Variants in ADAMTS2 observed in about 807,000 individuals in gnomAD.
ADAMTS2 encodes A disintegrin and metalloproteinase with thrombospondin motifs 2.
Under a neutral mutation model 123.0 loss-of-function variants are expected in ADAMTS2, and 50 were observed. The ratio of observed to expected loss-of-function variants is 0.41; its 90% confidence interval spans 0.32 to 0.51. ADAMTS2 has a LOEUF of 0.51. Ranked by LOEUF, ADAMTS2 falls within the 20% of genes least tolerant of loss-of-function variation. The pLI is 0.35. For synonymous variants in ADAMTS2, 678 were observed against 695.4 expected, an observed-to-expected ratio of 0.98 and a Z score of 0.39; for missense variants, 1,494 against 1,705.2, an observed-to-expected ratio of 0.88 and a Z score of 2.18.
intron 3 of ADAMTS2, among the ~76,000 whole-genome samples, chr5:179,255,797 CTTG>C (rs1441026541): frequency 6.6e-6 from 1 of 152,200 alleles, no homozygotes; most frequent in African/African-American, 2.4e-5. Context: ...GGGGCCACTT[CTTG>C]CTCCTTCCTG....
At chr5:179,289,115 C>T (rs1756111761) in intron 2 of ADAMTS2, among the ~76,000 whole-genome samples, 1 of 152,172 alleles carries the variant, frequency 6.6e-6, no homozygotes, top group Non-Finnish European at 1.5e-5. Context: ...GACTGCGCCC[C>T]TCCTGCAGGG....
At chr5:179,140,119 G>A in intron 10 of ADAMTS2, 84 bp from the exon 11 acceptor site, 1 of 1,597,198 alleles carries the variant, frequency 6.3e-7, no homozygotes, top group East Asian at 2.2e-5. Context: ...TGCAGTGTCT[G>A]GGACACGTCC....
chr5:179,262,759 C>A lies in ADAMTS2; in HGVS notation c.688+10152G>T, dbSNP rs149401436. Among the ~76,000 whole-genome samples, 1 of 152,266 alleles carries A rather than the reference C, an allele frequency of 6.6e-6. No individual in the cohort carries two copies. Among genetic ancestry groups the A allele is most frequent in the Non-Finnish European group, 1.5e-5 (1 of 68,050 alleles). On this transcript the variant is annotated intron_variant, in intron 3 of 21. Coordinates refer to ENST00000251582, the MANE Select transcript of ADAMTS2 (RefSeq NM_014244.5). The surrounding 1 kb of genome is among the most constrained non-coding windows in gnomAD (Gnocchi z 5.9). ...TGTTCACAGGATTCTCCACTGTCTG[C>A]GAGCATCTGCTCACCAGGTCTCCCC...
chr5:179,331,114 G>C (rs1183689572), intron 2 of ADAMTS2, among the ~76,000 whole-genome samples: 1 of 151,308 alleles, frequency 6.6e-6, no homozygotes, highest in East Asian at 2.0e-4. Flanking sequence ...GCTCGTTGTT[G>C]GTTCCCAGAA....
intron 5 of ADAMTS2, among the ~76,000 whole-genome samples, chr5:179,178,705 T>C (rs897663742): frequency 1.2e-4 from 18 of 152,254 alleles, no homozygotes; most frequent in Admixed American, 1.1e-3. Context: ...TTCTAATTTA[T>C]TGATTTCTGC....
In ADAMTS2 at chr5:179,228,542, C is replaced by G. The variant is rs1160112037; in HGVS notation, c.689-20827G>C. Among the ~76,000 whole-genome samples, 5 of 152,234 alleles carry G rather than the reference C, an allele frequency of 3.3e-5. No individual in the cohort carries two copies. The highest frequency in any genetic ancestry group is 7.3e-5 in the Non-Finnish European group (5 of 68,044). On this transcript the variant is annotated intron_variant, in intron 3 of 21. Coordinates refer to ENST00000251582, the MANE Select transcript of ADAMTS2 (RefSeq NM_014244.5). This position sits in a 1 kb window ranked among gnomAD's most constrained non-coding sequence, Gnocchi z 5.2. ...TGTGAAGCGGAAGGAGACTCTGCAG[C>G]AAGGCCCAGCTCTTATGCCGGCCAC...
At position 179,172,581 on chromosome 5, in the gene ADAMTS2, C is replaced by T. The variant is rs867594363; in HGVS notation, c.975+8491G>A. On this transcript the variant is annotated intron_variant, in intron 5 of 21. Transcript: ENST00000251582. ...ATTTCCCATTTCCTTCAGGTGGACC[C>T]GCTGCAGGTGGACCCCCTGCCCCAG... Among the ~76,000 whole-genome samples, 6 of 152,326 alleles carry T rather than the reference C, an allele frequency of 3.9e-5. No homozygotes were observed. In the South Asian group the frequency reaches 6.2e-4, roughly 16 times the overall value.
chr5:179,153,079 C>A (rs910641661), intron 9 of ADAMTS2, among the ~76,000 whole-genome samples: 1 of 152,204 alleles, frequency 6.6e-6, no homozygotes, highest in Non-Finnish European at 1.5e-5. Flanking sequence ...TGGAGAGCAG[C>A]GAGTGCTCCT....
In ADAMTS2 at chr5:179,345,407, G is replaced by A. The variant is rs1757925180; in HGVS notation, c.-79C>T. On this transcript the variant is annotated 5_prime_UTR_variant, in exon 1 of 22. Coordinates refer to ENST00000251582, the MANE Select transcript of ADAMTS2 (RefSeq NM_014244.5). The surrounding 1 kb of genome is among the most constrained non-coding windows in gnomAD (Gnocchi z 7.5). ...CGCGAGCCGCCCAGCCCACATCTGG[G>A]GGCAGCTGGAGCCGCCCGCAGCTGC... is the stretch of plus-strand genomic sequence containing the variant. 7 of 1,072,606 alleles carry A rather than the reference G, an allele frequency of 6.5e-6. No individual in the cohort carries two copies. In the South Asian group the frequency reaches 3.1e-4, roughly 47 times the overall value. The allele number at this position is 1,072,606 out of a possible 1,614,324, so 66.4% of individuals were successfully genotyped here. A position where few individuals can be genotyped will look rare whatever the true frequency, so the allele number is the denominator to read the frequency against.
At chr5:179,211,481 C>T (rs1581193525) in intron 3 of ADAMTS2, among the ~76,000 whole-genome samples, 2 of 152,204 alleles carry the variant, frequency 1.3e-5, no homozygotes, top group African/African-American at 4.8e-5. Context: ...ACAGAGCTTT[C>T]GAGTTCCTGG....
chr5:179,130,192 G>T lies in ADAMTS2; in HGVS notation c.2291-94C>A. 6.7e-7 allele frequency: 1 copy of T among 1,498,258 alleles called. No homozygotes were observed. The highest frequency in any genetic ancestry group is 9.2e-7 in the Non-Finnish European group (1 of 1,084,948). The allele number at this position is 1,498,258 out of a possible 1,614,324, so 92.8% of individuals were successfully genotyped here. A position where few individuals can be genotyped will look rare whatever the true frequency, so the allele number is the denominator to read the frequency against. ...GCTGGTCGGGGAGTGGGGGCAGCTA[G>T]CTGGACCCCTTGTCTCTCTGGCTGC... is the stretch of plus-strand genomic sequence containing the variant. On this transcript the variant is annotated intron_variant, in intron 15 of 21. Transcript: ENST00000251582. This position sits in a 1 kb window ranked among gnomAD's most constrained non-coding sequence, Gnocchi z 4.3.
chr5:179,119,727 T>C (rs964511649), intron 21 of ADAMTS2, among the ~76,000 whole-genome samples: 1 of 152,206 alleles, frequency 6.6e-6, no homozygotes, highest in Admixed American at 6.5e-5. Flanking sequence ...GAACTGTGCC[T>C]GGAGCCAGGG....
intron 2 of ADAMTS2, among the ~76,000 whole-genome samples, chr5:179,297,049 G>A (rs1756359305): frequency 1.3e-5 from 2 of 152,106 alleles, no homozygotes; most frequent in Admixed American, 1.3e-4. Flanking sequence ...GTATTGACAA[G>A]GCTTGGTGAA....
At position 179,285,930 on chromosome 5, in the gene ADAMTS2, C is replaced by T. The variant is rs1158426023; in HGVS notation, c.535-12866G>A. ...ACTTCCCCATTCAAGATCCTGCCAA[C>T]AGGCCGGGCACGGTGGCTCACGCCT... On this transcript the variant is annotated intron_variant, in intron 2 of 21. Transcript: ENST00000251582. The surrounding 1 kb of genome is among the most constrained non-coding windows in gnomAD (Gnocchi z 4.9). Among the ~76,000 whole-genome samples, 1 of 152,148 alleles carries T rather than the reference C, an allele frequency of 6.6e-6. No homozygotes were observed. Among genetic ancestry groups the T allele is most frequent in the Non-Finnish European group, 1.5e-5 (1 of 68,024 alleles).
At chr5:179,292,377 A>G (rs1756214816) in intron 2 of ADAMTS2, among the ~76,000 whole-genome samples, 1 of 151,648 alleles carries the variant, frequency 6.6e-6, no homozygotes, top group Non-Finnish European at 1.5e-5. Flanking sequence ...ATTAGCTGGG[A>G]CAGCACACTC....
intron 3 of ADAMTS2, among the ~76,000 whole-genome samples, chr5:179,236,722 T>C (rs1372352132): frequency 6.6e-6 from 1 of 152,046 alleles, no homozygotes; most frequent in Non-Finnish European, 1.5e-5. Context: ...CCCTGAGAGG[T>C]TGAGGCTGCA....
chr5:179,168,580 T>G (rs1763756681), intron 5 of ADAMTS2, among the ~76,000 whole-genome samples: 1 of 152,230 alleles, frequency 6.6e-6, no homozygotes, highest in Admixed American at 6.5e-5. Context: ...AACAGTCACT[T>G]GCACGAACGC....
intron 4 of ADAMTS2, among the ~76,000 whole-genome samples, chr5:179,183,416 T>A (rs1212176765): frequency 2.0e-5 from 3 of 152,098 alleles, no homozygotes; most frequent in African/African-American, 7.2e-5. Flanking sequence ...AACCCCAACC[T>A]CACAGGTCAT....
chr5:179,207,489 T>TCCC, intron 4 of ADAMTS2, 24 bp downstream of exon 4: 1 of 470,888 alleles, frequency 2.1e-6, no homozygotes. Context: ...CGCCCCACCC[T>TCCC]GCCCCCTCAG....
Sources: gnomAD v4.1 joint callset for allele counts (sites outside exome capture counted in the v4.1 genomes callset) on GRCh38, gnomAD v4.1.1 for gene constraint, Gnocchi (gnomAD v3.1) non-coding constraint, MANE v1.5 for transcripts, NCBI Gene and HGNC (gene_info 2026-07-23, HGNC 2026-07-21) for gene names.